Variants in ATP10D observed in about 807,000 individuals in gnomAD.
ATP10D encodes phospholipid-transporting ATPase VD.
ATP10D carries 89 observed loss-of-function variants against 144.8 expected under a neutral mutation model. The ratio of observed to expected loss-of-function variants is 0.61; its 90% CI spans 0.52 to 0.73. The LOEUF is 0.73. Ranked by LOEUF, ATP10D falls within the 30% of genes least tolerant of loss-of-function variation. The probability of loss-of-function intolerance (pLI) is 0.00; values close to 1 mark genes in which losing one functional copy is unlikely to be tolerated. For missense variants in ATP10D, 1,603 were observed against 1,714.8 expected, an observed-to-expected ratio of 0.93 and a Z score of 1.15; for synonymous variants, 571 against 615.1, an observed-to-expected ratio of 0.93 and a Z score of 1.06.
rs1359131221 is a variant in ATP10D at position 47,593,390 on chromosome 4, T to C, written c.*2009T>C. The C allele has an allele frequency of 6.6e-6, 1 of 152,136 alleles. No individual in the cohort carries two copies. The highest frequency in any genetic ancestry group is 1.5e-5 in the Non-Finnish European group (1 of 67,988). 9.4% of individuals were successfully genotyped at this position (152,136 alleles called of 1,614,324 possible). ...TAATGTAATCATTCATATACTTTGC[T>C]ACAAAAATATTAATATATTTCATTA... On this transcript the variant is annotated 3_prime_UTR_variant, in exon 23 of 23. Coordinates refer to ENST00000273859, the MANE Select transcript of ATP10D (RefSeq NM_020453.4).
At chr4:47,500,404 G>T (rs1425150408) in intron 1 of ATP10D, among the ~76,000 whole-genome samples, 1 of 152,230 alleles carries the variant, frequency 6.6e-6, no homozygotes, top group Non-Finnish European at 1.5e-5. Context: ...AAATTGTCAG[G>T]ATCTAAATTA....
In ATP10D at chr4:47,591,533, T is replaced by A; in HGVS notation, c.*152T>A. 1 of 613,966 alleles carries A rather than the reference T, an allele frequency of 1.6e-6. No individual in the cohort carries two copies. The highest frequency in any genetic ancestry group is 2.8e-6 in the Non-Finnish European group (1 of 362,110). The allele number at this position is 613,966 out of a possible 1,614,324, so 38.0% of individuals were successfully genotyped here. On this transcript the variant is annotated 3_prime_UTR_variant, in exon 23 of 23. Coordinates refer to ENST00000273859, the MANE Select transcript of ATP10D (RefSeq NM_020453.4). Reference sequence around the variant, plus strand: ...CTGACATGATGAGCATTATTGTATGTTTGTATATACATTTGTGATAGAGGG... The same window carrying A: ...CTGACATGATGAGCATTATTGTATGATTGTATATACATTTGTGATAGAGGG...
At chr4:47,576,107 A>AT (rs1307701571) in intron 18 of ATP10D, among the ~76,000 whole-genome samples, 56 of 150,840 alleles carry the variant, frequency 3.7e-4, no homozygotes, top group Admixed American at 3.4e-3. Context: ...AATTTTTTGT[A>AT]TTTTTAGTAG....
chr4:47,500,907 G>C (rs6823407), intron 1 of ATP10D, among the ~76,000 whole-genome samples: 151,109 of 152,348 alleles, frequency 0.99, 74,949 homozygotes, highest in East Asian at 1. Flanking sequence ...AATACATGGC[G>C]TGGAAATGCA....
chr4:47,561,924 T>G (rs1719337593), intron 14 of ATP10D, among the ~76,000 whole-genome samples: 1 of 152,180 alleles, frequency 6.6e-6, no homozygotes, highest in Non-Finnish European at 1.5e-5. Context: ...ATTCCTCTAT[T>G]TAGGAGGAAA....
chr4:47,509,261 TC>T (rs1260681729), intron 1 of ATP10D, among the ~76,000 whole-genome samples: 5 of 152,112 alleles, frequency 3.3e-5, no homozygotes, highest in Admixed American at 6.6e-5. Flanking sequence ...TACAAAAACA[TC>T]CACTGAAATA....
At chr4:47,490,212 A>G (rs1024664985) in intron 1 of ATP10D, among the ~76,000 whole-genome samples, 1 of 152,216 alleles carries the variant, frequency 6.6e-6, no homozygotes, top group Non-Finnish European at 1.5e-5. Context: ...AAATTATAAC[A>G]TCTCTTCTTC....
chr4:47,586,476 C>T (rs933151287), intron 21 of ATP10D, among the ~76,000 whole-genome samples: 1 of 152,120 alleles, frequency 6.6e-6, no homozygotes, highest in Non-Finnish European at 1.5e-5. Context: ...TACTTCTAAC[C>T]GGAAAGTTTT....
chr4:47,558,225 A>G lies in ATP10D; in HGVS notation c.2386A>G (p.Lys796Glu). Residue 796 changes from lysine (K) to glutamate (E), a missense_variant, in exon 12 of 23, where the codon AAA becomes GAA. Lys to Glu is a moderately conservative substitution (Grantham distance 56). Transcript: ENST00000273859. ...TTCCAATCAAGTTGTGGTGTATACG[A>G]AAGGCGCTGATTCTGTGATCATGGA... is the stretch of plus-strand genomic sequence containing the variant. ...PLSNQVVVYT[K>E]GADSVIMELL... 1 of 1,614,200 alleles carries G rather than the reference A, an allele frequency of 6.2e-7. No homozygotes were observed. Among genetic ancestry groups the G allele is most frequent in the Non-Finnish European group, 8.5e-7 (1 of 1,180,030 alleles).
At chr4:47,493,035 A>C (rs1208396686) in intron 1 of ATP10D, among the ~76,000 whole-genome samples, 10 of 152,184 alleles carry the variant, frequency 6.6e-5, no homozygotes, top group Admixed American at 6.5e-4. Flanking sequence ...TTTCAGCTAC[A>C]AATAACTCTA....
chr4:47,522,599 C>T (rs1438832530), intron 3 of ATP10D, among the ~76,000 whole-genome samples: 1 of 152,152 alleles, frequency 6.6e-6, no homozygotes, highest in Non-Finnish European at 1.5e-5. Context: ...TTGTTTGAGA[C>T]AGCTCTGTCG....
At position 47,536,718 on chromosome 4, in the gene ATP10D, C is replaced by T. The variant is rs142744698; in HGVS notation, c.1176C>T (p.Ile392=). 8,648 of 1,611,476 alleles carry T rather than the reference C, an allele frequency of 5.4e-3. 29 individuals carry two copies. The highest frequency in any genetic ancestry group is 6.3e-3 in the Non-Finnish European group (7,481 of 1,179,114). ...VLIPISLYVS[I]EIVKLGQIYF... is the part of the protein sequence containing the mutation. ...TTCCTATTTCTCTCTATGTTTCCAT[C>T]GAAATTGTGAAGCTTGGACAAATAT... is the stretch of plus-strand genomic sequence containing the variant. The change falls in exon 9 of 23, where the codon ATC becomes ATT. Residue 392 remains isoleucine (I), a synonymous_variant. Coordinates refer to ENST00000273859, the MANE Select transcript of ATP10D (RefSeq NM_020453.4).
chr4:47,515,417 T>A, intron 2 of ATP10D, 59 bp from the exon 3 acceptor site: 1 of 1,389,192 alleles, frequency 7.2e-7, no homozygotes, highest in Non-Finnish European at 9.9e-7. Context: ...GTACTTTGCC[T>A]CTGACATCAG....
rs779020702 is a variant in ATP10D, at chr4:47,569,122, C to T, written c.3139C>T (p.Leu1047Phe). The change falls in exon 16 of 23, where the codon CTC (leucine) becomes TTC (phenylalanine). Residue 1047 changes from leucine to phenylalanine, a missense_variant. Leu to Phe is a conservative substitution (Grantham distance 22, BLOSUM62 0). Coordinates refer to ENST00000273859, the MANE Select transcript of ATP10D (RefSeq NM_020453.4). ...AGTGGTGAAATTGGTCCGCAGCCAT[C>T]TCCAGGTGATGACCCTTGCTATTGG... is the stretch of plus-strand genomic sequence containing the variant. Reference protein sequence around the residue: ...SEVVKLVRSHLQVMTLAIGDG... With the variant: ...SEVVKLVRSHFQVMTLAIGDG... The T allele has an allele frequency of 1.7e-5, 28 of 1,613,680 alleles. No homozygotes were observed. The South Asian group carries it at 3.1e-4, about 18-fold the overall frequency.
intron 10 of ATP10D, among the ~76,000 whole-genome samples, chr4:47,551,291 G>T (rs1322601329): frequency 1.3e-5 from 2 of 152,212 alleles, no homozygotes; most frequent in African/African-American, 4.8e-5. Context: ...TAAAATTTGA[G>T]ATAGGCAGAT....
At chr4:47,525,381 C>T (rs1717187386) in intron 4 of ATP10D, among the ~76,000 whole-genome samples, 176 bp from the exon 5 acceptor site, 1 of 152,018 alleles carries the variant, frequency 6.6e-6, no homozygotes, top group Admixed American at 6.6e-5. Flanking sequence ...CATTCTGATC[C>T]CAAATATGGA....
intron 22 of ATP10D, 69 bp from the exon 23 acceptor site, chr4:47,590,973 A>C: frequency 8.7e-6 from 9 of 1,033,860 alleles, no homozygotes; most frequent in South Asian, 1.9e-5. Context: ...ATTCGTTAGT[A>C]TTTGGGGGGG....
At chr4:47,520,884 C>G (rs1479011841) in intron 3 of ATP10D, among the ~76,000 whole-genome samples, 3 of 152,056 alleles carry the variant, frequency 2.0e-5, no homozygotes, top group Non-Finnish European at 2.9e-5. Flanking sequence ...CTTCTAATTA[C>G]TCCCTGATTC....
chr4:47,531,239 A>T (rs1577653071), intron 5 of ATP10D, among the ~76,000 whole-genome samples: 1 of 152,210 alleles, frequency 6.6e-6, no homozygotes, highest in East Asian at 1.9e-4. Flanking sequence ...CTGGATACAG[A>T]CATCTGATAG....
Sources: allele counts gnomAD v4.1 joint callset (sites outside exome capture counted in the v4.1 genomes callset), GRCh38; gene constraint gnomAD v4.1.1; transcripts MANE v1.5; gene names NCBI Gene and HGNC (gene_info 2026-07-23, HGNC 2026-07-21).